The following HDAC9 variants were observed in gnomAD, a reference collection of about 807,000 sequenced individuals.
HDAC9 encodes the protein MEF-2 interacting transcription repressor (MITR) protein.
A neutral mutation model predicts 139.4 loss-of-function variants in HDAC9; 41 were observed. The observed-to-expected ratio is 0.29, with a 90% CI of 0.23 to 0.38. HDAC9 has a LOEUF of 0.38. Among genes scored for constraint, HDAC9 ranks in the 10% least tolerant of loss-of-function variants. The pLI is 1.00. For synonymous variants in HDAC9, 517 were observed against 476.2 expected (o/e 1.09, Z -1.12); for missense variants, 1,147 against 1,297.0 (o/e 0.88, Z 1.78).
chr7:18,304,136 A>G (rs370580512), intron 1 of HDAC9, among the ~76,000 whole-genome samples: 9 of 152,208 alleles, frequency 5.9e-5, no homozygotes, highest in African/African-American at 2.2e-4. Flanking sequence ...ACATGGTACT[A>G]TTGTGAGATT....
chr7:18,937,291 G>T (rs1174540344), intron 23 of HDAC9, among the ~76,000 whole-genome samples: 1 of 152,020 alleles, frequency 6.6e-6, no homozygotes, highest in Non-Finnish European at 1.5e-5. Flanking sequence ...GCCCGCCTCG[G>T]CCTCCCAAAG....
chr7:18,768,020 AT>A (rs1789976817), intron 16 of HDAC9, among the ~76,000 whole-genome samples: 1 of 152,174 alleles, frequency 6.6e-6, no homozygotes, highest in South Asian at 2.1e-4. Context: ...TTATTCTATC[AT>A]TTTGATGATG....
intron 16 of HDAC9, among the ~76,000 whole-genome samples, chr7:18,787,585 G>T (rs1791927343): frequency 6.6e-6 from 1 of 152,154 alleles, no homozygotes; most frequent in Admixed American, 6.5e-5. Context: ...CATAAAGCAA[G>T]GCTTGGTAAA....
chr7:18,764,147 A>T (rs1321899956), intron 15 of HDAC9, among the ~76,000 whole-genome samples: 1 of 152,174 alleles, frequency 6.6e-6, no homozygotes, highest in Non-Finnish European at 1.5e-5. Flanking sequence ...TTCCATTTAT[A>T]ATTTTAACTT....
At chr7:18,189,978 T>C (rs1376742242) in intron 2 of HDAC9, among the ~76,000 whole-genome samples, 1 of 151,894 alleles carries the variant, frequency 6.6e-6, no homozygotes, top group Admixed American at 6.6e-5. Context: ...TTGCTCTTGT[T>C]GCCCAGGCTG....
chr7:18,337,674 A>G (rs1781683368), intron 1 of HDAC9, among the ~76,000 whole-genome samples: 1 of 151,758 alleles, frequency 6.6e-6, no homozygotes, highest in South Asian at 2.1e-4. Flanking sequence ...ACCATTGAGT[A>G]GAAATATTTA....
chr7:18,142,856 TG>T, intron 1 of HDAC9, among the ~76,000 whole-genome samples: 1 of 152,270 alleles, frequency 6.6e-6, no homozygotes, highest in East Asian at 1.9e-4. Flanking sequence ...TGCTCCCAAG[TG>T]TGTGGCGTAA....
chr7:18,652,382 A>G lies in HDAC9; in HGVS notation c.1467+3699A>G, dbSNP rs1789566404. Among the ~76,000 whole-genome samples the G allele has an allele frequency of 2.0e-5, 3 of 152,122 alleles. No individual in the cohort carries two copies. The South Asian group carries it at 6.2e-4, about 32-fold the overall frequency. ...GCCCATTTCAAGTTTAAATATTACC[A>G]CAGGATTTTTTTTCTGGTGAAATAA... On this transcript the variant is annotated intron_variant, in intron 11 of 25. Transcript: ENST00000686413.
intron 1 of HDAC9, among the ~76,000 whole-genome samples, chr7:18,414,211 A>AT (rs201954232): frequency 1.2e-3 from 184 of 151,660 alleles, no homozygotes; most frequent in Middle Eastern, 0.01. Flanking sequence ...GAACTTTCAG[A>AT]TTTTTTTTTC....
At chr7:18,352,586 G>A (rs1782932069) in intron 1 of HDAC9, among the ~76,000 whole-genome samples, 2 of 152,062 alleles carry the variant, frequency 1.3e-5, no homozygotes, top group Non-Finnish European at 2.9e-5. Flanking sequence ...AAGATTCTTG[G>A]CCTTGTGAGA....
intron 2 of HDAC9, among the ~76,000 whole-genome samples, chr7:18,540,197 C>A (rs992399925): frequency 4.1e-5 from 6 of 145,694 alleles, no homozygotes; most frequent in Admixed American, 7.0e-5. Context: ...CACTTGAACC[C>A]GGGAAGCGGA....
intron 16 of HDAC9, among the ~76,000 whole-genome samples, chr7:18,781,708 C>G (rs1252016496): frequency 6.6e-6 from 1 of 151,930 alleles, no homozygotes; most frequent in Non-Finnish European, 1.5e-5. Context: ...AGCTTTAGCC[C>G]TAATTGTAAA....
chr7:18,597,687 A>G (rs1832863609), intron 6 of HDAC9, among the ~76,000 whole-genome samples: 2 of 152,140 alleles, frequency 1.3e-5, no homozygotes, highest in African/African-American at 2.4e-5. Flanking sequence ...TAAAATTTCT[A>G]GAAGTTTTAC....
intron 8 of HDAC9, among the ~76,000 whole-genome samples, chr7:18,642,377 C>T (rs1317243456): frequency 1.3e-5 from 2 of 152,076 alleles, no homozygotes; most frequent in African/African-American, 4.8e-5. Flanking sequence ...TTCTGTGGTT[C>T]CCCTGTCTTC....
At chr7:18,995,902 A>C (rs923286011) in intron 25 of HDAC9, 121 bp from the exon 26 acceptor site, 1 of 661,334 alleles carries the variant, frequency 1.5e-6, no homozygotes, top group Non-Finnish European at 2.6e-6. Context: ...ATTTATGGAT[A>C]ACTGAATAAC....
chr7:18,485,008 T>G (rs895236364), intron 1 of HDAC9, among the ~76,000 whole-genome samples: 4 of 152,170 alleles, frequency 2.6e-5, no homozygotes, highest in African/African-American at 9.6e-5. Context: ...CAACAGTCCC[T>G]GCTTCATTAC....
At chr7:18,768,018 T>C (rs1478660387) in intron 16 of HDAC9, among the ~76,000 whole-genome samples, 1 of 152,210 alleles carries the variant, frequency 6.6e-6, no homozygotes, top group Non-Finnish European at 1.5e-5. Context: ...GTTTATTCTA[T>C]CATTTTGATG....
chr7:18,180,700 T>A (rs1190239618), intron 2 of HDAC9, among the ~76,000 whole-genome samples: 1 of 152,240 alleles, frequency 6.6e-6, no homozygotes, highest in Non-Finnish European at 1.5e-5. Context: ...TGGATATCAG[T>A]TTTCTATCTT....
intron 2 of HDAC9, among the ~76,000 whole-genome samples, chr7:18,516,572 A>G (rs565441266): frequency 6.6e-6 from 1 of 152,262 alleles, no homozygotes; most frequent in Non-Finnish European, 1.5e-5. Flanking sequence ...AGATAGTAAT[A>G]TATTAGGCTG....
Sources: allele counts gnomAD v4.1 joint callset (sites outside exome capture counted in the v4.1 genomes callset), GRCh38; gene constraint gnomAD v4.1.1; transcripts MANE v1.5; gene names NCBI Gene and HGNC (gene_info 2026-07-23, HGNC 2026-07-21).